Variants in MYLK observed in about 807,000 individuals in gnomAD.
MYLK encodes the protein myosin light chain kinase, smooth muscle.
A neutral mutation model predicts 203.4 loss-of-function variants in MYLK; 106 were observed. That is an observed-to-expected ratio of 0.52 (90% confidence interval 0.45 to 0.61). The LOEUF (loss-of-function observed/expected upper bound fraction) is 0.61, where lower values mean the gene tolerates loss of function less well. Among genes scored for constraint, MYLK ranks in the 20% least tolerant of loss-of-function variants. MYLK has a pLI of 0.00. For missense variants in MYLK, 2,072 were observed against 2,442.3 expected (o/e 0.85, Z 3.20); for synonymous variants, 867 against 959.5 (o/e 0.90, Z 1.78).
At chr3:123,695,077 T>C (rs1306486429) in intron 18 of MYLK, among the ~76,000 whole-genome samples, 12 of 152,112 alleles carry the variant, frequency 7.9e-5, no homozygotes, top group Admixed American at 7.9e-4. Context: ...GCTCTCTCCT[T>C]TTCTGAGTTG....
intron 3 of MYLK, among the ~76,000 whole-genome samples, chr3:123,816,952 G>C (rs560135737): frequency 6.6e-6 from 1 of 152,366 alleles, no homozygotes; most frequent in South Asian, 2.1e-4. Context: ...AAAGGCCCAA[G>C]TTTGTAGAGG....
At chr3:123,837,532 A>G (rs976538430) in intron 2 of MYLK, among the ~76,000 whole-genome samples, 6 of 147,088 alleles carry the variant, frequency 4.1e-5, no homozygotes, top group African/African-American at 1.2e-4. Flanking sequence ...TATATAATAC[A>G]TATTTTATAT....
chr3:123,719,531 T>C (rs536289420), intron 13 of MYLK, among the ~76,000 whole-genome samples: 9 of 152,358 alleles, frequency 5.9e-5, no homozygotes, highest in African/African-American at 2.2e-4. Context: ...GGGTGTGTGC[T>C]ATCCTATGCT....
intron 18 of MYLK, 96 bp downstream of exon 18, chr3:123,699,924 G>C: frequency 6.5e-7 from 1 of 1,528,192 alleles, no homozygotes. Flanking sequence ...GCCTACCTAT[G>C]GGCTGCTAAC....
In MYLK at chr3:123,612,410, C is replaced by A. The variant is rs2057267941; in HGVS notation, c.*1695G>T. ...ATAATAAACCAAGAGAACATTAACA[C>A]AATTCCAAGAAGGCATTAACCTGTA... On this transcript the variant is annotated 3_prime_UTR_variant, in exon 34 of 34. Coordinates refer to ENST00000360304, the MANE Select transcript of MYLK (RefSeq NM_053025.4). The A allele has an allele frequency of 6.6e-6, 1 of 152,590 alleles. No individual in the cohort carries two copies. The allele number at this position is 152,590 out of a possible 1,614,324, so 9.5% of individuals were successfully genotyped here.
intron 4 of MYLK, among the ~76,000 whole-genome samples, chr3:123,776,074 C>A (rs1236054136): frequency 6.6e-6 from 1 of 152,194 alleles, no homozygotes; most frequent in Admixed American, 6.5e-5. Flanking sequence ...GGCTTCCTGC[C>A]TCCCACCCTC....
chr3:123,868,052 T>G (rs2032459179), intron 2 of MYLK, among the ~76,000 whole-genome samples: 1 of 152,244 alleles, frequency 6.6e-6, no homozygotes, highest in Admixed American at 6.5e-5. Context: ...CCAACCAGTC[T>G]AGGATCTGTT....
rs142015515 is a variant in MYLK, at chr3:123,676,408, C to T, written c.3652+5816G>A. The stretch of plus-strand genomic sequence containing the variant: ...TCTCTTCCAGCCTTTTGAATCCCAT[C>T]AGGATTGAACATTCCTCATGACCTG... On this transcript the variant is annotated intron_variant, in intron 20 of 33. Coordinates refer to ENST00000360304, the MANE Select transcript of MYLK (RefSeq NM_053025.4). Among the ~76,000 whole-genome samples the T allele has an allele frequency of 1.3e-4, 20 of 152,298 alleles. No homozygotes were observed. In the East Asian group the frequency reaches 3.3e-3, roughly 25 times the overall value.
rs527781360 is a variant in MYLK at position 123,762,603 on chromosome 3, T to C, written c.166-10065A>G. 5.3e-5 allele frequency among the ~76,000 whole-genome samples: 8 copies of C among 152,300 alleles called. No individual in the cohort carries two copies. In the South Asian group the frequency reaches 1.5e-3, roughly 28 times the overall value. ...GTGTTTTTGTCCCCTCTAAAGTTCA[T>C]GTTGAAACTTAATCATCAATGCTAC... On this transcript the variant is annotated intron_variant, in intron 4 of 33. Coordinates refer to ENST00000360304, the MANE Select transcript of MYLK (RefSeq NM_053025.4).
In MYLK at chr3:123,704,747, CAAAAA is replaced by C. The variant is rs5852352; in HGVS notation, c.2390+3002_2390+3006del. Among the ~76,000 whole-genome samples, 400 of 87,690 alleles carry C rather than the reference CAAAAA, an allele frequency of 4.6e-3. 4 individuals carry two copies. The highest frequency in any genetic ancestry group is 0.02 in the Middle Eastern group (3 of 152). The allele number at this position is 87,690 out of a possible 152,430, so 57.5% of individuals were successfully genotyped here. A position where few individuals can be genotyped will look rare whatever the true frequency, so the allele number is the denominator to read the frequency against. The stretch of plus-strand genomic sequence containing the variant: ...TGAAACCCCGTCTCTACTAAAAATA[CAAAAA>C]AAAAAAAAAAAAAAAAAATTAGCCG... On this transcript the variant is annotated intron_variant, in intron 16 of 33. Coordinates refer to ENST00000360304, the MANE Select transcript of MYLK (RefSeq NM_053025.4).
At chr3:123,827,694 C>T (rs1401448843) in intron 3 of MYLK, among the ~76,000 whole-genome samples, 10 of 24,310 alleles carry the variant, frequency 4.1e-4, no homozygotes, top group Admixed American at 1.9e-3. Flanking sequence ...TGAAAAACAC[C>T]ATATATATAT....
chr3:123,772,783 C>T (rs975899877), intron 4 of MYLK, among the ~76,000 whole-genome samples: 6 of 151,780 alleles, frequency 4.0e-5, no homozygotes, highest in East Asian at 1.9e-4. Context: ...ATCAAACAAA[C>T]GTAAAATAAA....
intron 3 of MYLK, among the ~76,000 whole-genome samples, chr3:123,830,719 A>C (rs950761216): frequency 5.9e-5 from 9 of 152,110 alleles, no homozygotes; most frequent in African/African-American, 2.2e-4. Context: ...GGCTGATGTT[A>C]GCTGAGGACC....
intron 18 of MYLK, among the ~76,000 whole-genome samples, chr3:123,695,800 G>A (rs56139900): frequency 0.098 from 14,916 of 152,216 alleles, 834 homozygotes; most frequent in South Asian, 0.14. Flanking sequence ...CCAGGAGGAG[G>A]AGCCTGGCCT....
chr3:123,723,867 T>C (rs2062181309), intron 12 of MYLK, among the ~76,000 whole-genome samples: 1 of 152,242 alleles, frequency 6.6e-6, no homozygotes, highest in Admixed American at 6.5e-5. Flanking sequence ...AGCTTGTTTT[T>C]GTAGCGCCTG....
intron 9 of MYLK, 121 bp downstream of exon 9, chr3:123,735,277 C>T (rs1164273975): frequency 4.7e-5 from 62 of 1,318,854 alleles, no homozygotes; most frequent in African/African-American, 5.8e-5. Flanking sequence ...AAAACAACAT[C>T]CTCCAAATGG....
intron 13 of MYLK, among the ~76,000 whole-genome samples, chr3:123,718,126 T>C (rs1304660687): frequency 2.0e-5 from 3 of 152,134 alleles, no homozygotes; most frequent in African/African-American, 7.2e-5. Flanking sequence ...CCTCCCAAAG[T>C]GCTGGGATTA....
At chr3:123,855,931 A>G (rs2031328989) in intron 2 of MYLK, among the ~76,000 whole-genome samples, 1 of 152,174 alleles carries the variant, frequency 6.6e-6, no homozygotes, top group Admixed American at 6.5e-5. Context: ...AATTTTAAAG[A>G]CTAATATAAT....
intron 24 of MYLK, among the ~76,000 whole-genome samples, chr3:123,656,836 G>A (rs963833277): frequency 1.3e-5 from 2 of 152,164 alleles, no homozygotes; most frequent in African/African-American, 4.8e-5. Context: ...GGTGGAAGAG[G>A]AACATGAGGC....
Sources: allele counts gnomAD v4.1 joint callset (sites outside exome capture counted in the v4.1 genomes callset), GRCh38; gene constraint gnomAD v4.1.1; transcripts MANE v1.5; gene names NCBI Gene and HGNC (gene_info 2026-07-23, HGNC 2026-07-21).